Variants in PRSS1 observed in about 807,000 individuals in gnomAD.
The protein encoded by PRSS1 is serine protease 1, also known as TCR V beta 4.1.
In PRSS1, 22 loss-of-function variants were observed where a neutral mutation model predicts 24.2. The ratio of observed to expected loss-of-function variants is 0.91; its 90% CI spans 0.65 to 1.30. The LOEUF (loss-of-function observed/expected upper bound fraction) is 1.30. PRSS1 is among the 50% of genes most tolerant of loss of function. The pLI, the probability that PRSS1 is intolerant of heterozygous loss-of-function variation, is 0.00. For synonymous variants in PRSS1, 126 were observed against 116.1 expected (o/e 1.08, Z -0.55); for missense variants, 366 against 304.2 (o/e 1.20, Z -1.51).
intron 2 of PRSS1, 135 bp downstream of exon 2, chr7:142,750,849 G>A (rs376748793): frequency 6.2e-5 from 67 of 1,085,406 alleles, no homozygotes; most frequent in East Asian, 5.4e-4. Flanking sequence ...TGGCAGCTGC[G>A]GACTCTCCAG....
intron 3 of PRSS1, among the ~76,000 whole-genome samples, 176 bp downstream of exon 3, chr7:142,752,203 TA>T (rs1798800126): frequency 6.6e-6 from 1 of 152,162 alleles, no homozygotes; most frequent in South Asian, 2.1e-4. Flanking sequence ...ACTTGGCTCC[TA>T]AAATCAAGAG....
chr7:142,752,179 G>C, intron 3 of PRSS1, 152 bp downstream of exon 3: 2 of 1,341,170 alleles, frequency 1.5e-6, no homozygotes, highest in Non-Finnish European at 2.1e-6. Flanking sequence ...CCAGAGAGAT[G>C]CAAACTATCA....
At chr7:142,752,655 G>T (rs1218646486) in intron 4 of PRSS1, 88 bp downstream of exon 4, 4 of 1,596,450 alleles carry the variant, frequency 2.5e-6, no homozygotes, top group Non-Finnish European at 3.4e-6. Flanking sequence ...AAGGTGGTGG[G>T]GCTGAGGAGG....
At position 142,751,995 on chromosome 7, in the gene PRSS1, T is replaced by C. The variant is rs748208676; in HGVS notation, c.422T>C (p.Ile141Thr). The C allele has an allele frequency of 3.7e-6, 6 of 1,614,150 alleles. No homozygotes were observed. In the South Asian group the frequency reaches 6.6e-5, roughly 18 times the overall value. ...APPATGTKCLISGWGNTASSG... is the reference protein window; with the variant it reads ...APPATGTKCLTSGWGNTASSG... Reference sequence around the variant, plus strand: ...CCAGCCACTGGCACGAAGTGCCTCATCTCTGGCTGGGGCAACACTGCGAGC... The same window carrying C: ...CCAGCCACTGGCACGAAGTGCCTCACCTCTGGCTGGGGCAACACTGCGAGC... The change falls in exon 3 of 5, where the codon ATC becomes ACC. Residue 141 changes from isoleucine (I) to threonine (T), a missense_variant. Transcript: ENST00000311737.
intron 3 of PRSS1, among the ~76,000 whole-genome samples, 154 bp downstream of exon 3, chr7:142,752,181 A>T (rs1798796866): frequency 6.6e-6 from 1 of 152,178 alleles, no homozygotes; most frequent in Non-Finnish European, 1.5e-5. Flanking sequence ...AGAGAGATGC[A>T]AACTATCAAG....
intron 1 of PRSS1, 144 bp from the exon 2 acceptor site, chr7:142,750,411 C>G: frequency 1.0e-6 from 1 of 963,452 alleles, no homozygotes; most frequent in Non-Finnish European, 1.6e-6. Context: ...CAGTGATGAT[C>G]ACCAGGGGTG....
At chr7:142,752,636 T>C in intron 4 of PRSS1, 69 bp downstream of exon 4, 1 of 1,612,334 alleles carries the variant, frequency 6.2e-7, no homozygotes, top group Non-Finnish European at 8.5e-7. Flanking sequence ...GAAAAGGATT[T>C]GAACTCAAAA....
At position 142,752,039 on chromosome 7, in the gene PRSS1, C is replaced by A; in HGVS notation, c.454+12C>A. On this transcript the variant is annotated intron_variant, in intron 3 of 4. Coordinates refer to ENST00000311737, the MANE Select transcript of PRSS1 (RefSeq NM_002769.5). ...TGCGAGCTCTGGCGGTGAGTGGGAC[C>A]CTTAGTCCTTCTACTTCCCTCCATC... 6.2e-7 allele frequency: 1 copy of A among 1,614,058 alleles called. No individual in the cohort carries two copies. Among genetic ancestry groups the A allele is most frequent in the South Asian group, 1.1e-5 (1 of 91,076 alleles).
Position 142,751,996 on chromosome 7 carries a change from C to G in PRSS1, c.423C>G (p.Ile141Met), listed in dbSNP as rs772256079. The change falls in exon 3 of 5, where the codon ATC becomes ATG. Residue 141 changes from isoleucine to methionine, a missense_variant. Coordinates refer to ENST00000311737, the MANE Select transcript of PRSS1 (RefSeq NM_002769.5). ...APPATGTKCL[I>M]SGWGNTASSG... ...CAGCCACTGGCACGAAGTGCCTCAT[C>G]TCTGGCTGGGGCAACACTGCGAGCT... 1 of 1,614,206 alleles carries G rather than the reference C, an allele frequency of 6.2e-7. No individual in the cohort carries two copies. The highest frequency in any genetic ancestry group is 8.5e-7 in the Non-Finnish European group (1 of 1,180,024).
intron 1 of PRSS1, among the ~76,000 whole-genome samples, chr7:142,750,272 T>A (rs2116955873): frequency 6.6e-6 from 1 of 152,268 alleles, no homozygotes; most frequent in South Asian, 2.1e-4. Context: ...ACATCCCAAC[T>A]CCTATCCCAC....
At position 142,751,956 on chromosome 7, in the gene PRSS1, T is replaced by C. The variant is rs749518244; in HGVS notation, c.383T>C (p.Leu128Pro). The C allele has an allele frequency of 6.2e-7, 1 of 1,614,060 alleles. No homozygotes were observed. Among genetic ancestry groups the C allele is most frequent in the Non-Finnish European group, 8.5e-7 (1 of 1,180,000 alleles). ...AACGCCCGCGTGTCCACCATCTCTC[T>C]GCCCACCGCCCCTCCAGCCACTGGC... ...VINARVSTIS[L>P]PTAPPATGTK... The change falls in exon 3 of 5, where the codon CTG becomes CCG. Residue 128 changes from leucine to proline, a missense_variant. Physicochemically the swap from Leu to Pro is moderately conservative, Grantham distance 98. Transcript: ENST00000311737.
chr7:142,752,451 C>T lies in PRSS1; in HGVS notation c.475C>T (p.Gln159Ter), dbSNP rs754802107. The part of the protein sequence containing the change: ...SSGADYPDEL[Q>*]CLDAPVLSQA... ...CACAGCCGACTACCCAGACGAGCTG[C>T]AGTGCCTGGATGCTCCTGTGCTGAG... The change falls in exon 4 of 5, where the codon CAG (glutamine) becomes TAG (stop). Residue 159 changes from glutamine (Q) to a stop codon, truncating the protein, a stop_gained. Transcript: ENST00000311737. LOFTEE classifies it high-confidence loss of function. 3 of 1,614,134 alleles carry T rather than the reference C, an allele frequency of 1.9e-6. No individual in the cohort carries two copies. The highest frequency in any genetic ancestry group is 2.7e-5 in the African/African-American group (2 of 75,070).
At chr7:142,752,811 A>G (rs1798865646) in intron 4 of PRSS1, 57 bp from the exon 5 acceptor site, 1 of 1,591,508 alleles carries the variant, frequency 6.3e-7, no homozygotes, top group South Asian at 1.1e-5. Context: ...GTTCAGAGTA[A>G]ATGTAGCTAT....
At chr7:142,749,732 A>G (rs1487275220) in intron 1 of PRSS1, among the ~76,000 whole-genome samples, 1 of 144,650 alleles carries the variant, frequency 6.9e-6, no homozygotes, top group Non-Finnish European at 1.5e-5. Context: ...ACTGTCATTC[A>G]TCCATATCCG....
chr7:142,751,334 T>C, intron 2 of PRSS1: 1 of 593,008 alleles, frequency 1.7e-6, no homozygotes, highest in Non-Finnish European at 3.0e-6. Context: ...GCTAATGCTA[T>C]GGCTACCCTT....
chr7:142,750,882 G>A (rs748375203), intron 2 of PRSS1, 168 bp downstream of exon 2: 1 of 1,023,910 alleles, frequency 9.8e-7, no homozygotes. Context: ...ACACAAGACA[G>A]GAACCTCTCA....
chr7:142,752,057 C>T (rs749160061), intron 3 of PRSS1, 30 bp downstream of exon 3: 2 of 1,613,926 alleles, frequency 1.2e-6, no homozygotes, highest in Non-Finnish European at 1.7e-6. Flanking sequence ...CTTCTACTTC[C>T]CTCCATCCTC....
rs555705710 is a variant in PRSS1, at chr7:142,750,796, T to C, written c.200+82T>C. The C allele has an allele frequency of 2.4e-4, 389 of 1,593,666 alleles. No homozygotes were observed. The African/African-American group carries it at 3.9e-3, about 16-fold the overall frequency. On this transcript the variant is annotated intron_variant, in intron 2 of 4. Coordinates refer to ENST00000311737, the MANE Select transcript of PRSS1 (RefSeq NM_002769.5). ...GCTTCAGCCCAGGGAACTACTGAGG[T>C]TGGGTAAGATGGATGGGAGAGGTGG... is the stretch of plus-strand genomic sequence containing the variant.
Position 142,752,951 on chromosome 7 carries a change from G to T in PRSS1, c.675G>T (p.Lys225Asn), listed in dbSNP as rs375871958. Reference sequence around the variant, plus strand: ...GTGATGGCTGTGCCCAGAAGAACAAGCCTGGAGTCTACACCAAGGTCTACA... The same window carrying T: ...GTGATGGCTGTGCCCAGAAGAACAATCCTGGAGTCTACACCAAGGTCTACA... ...SWGDGCAQKN[K>N]PGVYTKVYNY... The change falls in exon 5 of 5, where the codon AAG becomes AAT. Residue 225 changes from lysine (K) to asparagine (N), a missense_variant. Coordinates refer to ENST00000311737, the MANE Select transcript of PRSS1 (RefSeq NM_002769.5). 8 of 1,613,108 alleles carry T rather than the reference G, an allele frequency of 5.0e-6. No homozygotes were observed. Among genetic ancestry groups the T allele is most frequent in the South Asian group, 2.2e-5 (2 of 91,018 alleles).
Sources: gnomAD v4.1 joint callset for allele counts (sites outside exome capture counted in the v4.1 genomes callset) on GRCh38, gnomAD v4.1.1 for gene constraint, MANE v1.5 for transcripts, NCBI Gene and HGNC (gene_info 2026-07-23, HGNC 2026-07-21) for gene names.